PLAT: variants seen among roughly 807,000 people sequenced by gnomAD.
PLAT encodes tissue-type plasminogen activator.
PLAT carries 48 observed loss-of-function variants against 74.9 expected under a neutral mutation model. The observed-to-expected ratio is 0.64, with a 90% CI of 0.51 to 0.82. PLAT has a LOEUF of 0.82. Among genes scored for constraint, PLAT ranks in the 40% least tolerant of loss-of-function variants. The pLI is 0.00. For synonymous variants in PLAT, 307 were observed against 294.4 expected, an observed-to-expected ratio of 1.04 and a Z score of -0.44; for missense variants, 673 against 736.2, an observed-to-expected ratio of 0.91 and a Z score of 0.99.
intron 1 of PLAT, among the ~76,000 whole-genome samples, chr8:42,203,992 T>C (rs2854293): frequency 0.05 from 5,457 of 109,636 alleles, 279 homozygotes; most frequent in African/African-American, 0.13. Flanking sequence ...TATATATATA[T>C]ACACACACAC....
chr8:42,193,321 C>G (rs1805758853), intron 1 of PLAT, 110 bp from the exon 2 acceptor site: 4 of 672,922 alleles, frequency 5.9e-6, no homozygotes, highest in Non-Finnish European at 1.0e-5. Context: ...AGTGCCAGCC[C>G]CGCGGCAGAA....
chr8:42,202,153 G>T (rs886879711), intron 1 of PLAT, among the ~76,000 whole-genome samples: 3 of 151,922 alleles, frequency 2.0e-5, no homozygotes, highest in African/African-American at 7.3e-5. Context: ...TCAAGTAGCT[G>T]GGACTACAGG....
chr8:42,188,904 C>A, intron 4 of PLAT, 30 bp downstream of exon 4: 1 of 1,595,864 alleles, frequency 6.3e-7, no homozygotes, highest in Non-Finnish European at 8.6e-7. Flanking sequence ...GGATCACAGG[C>A]ATGCACCACC....
intron 1 of PLAT, among the ~76,000 whole-genome samples, chr8:42,195,120 C>T (rs2129787498): frequency 1.3e-5 from 2 of 151,248 alleles, no homozygotes; most frequent in African/African-American, 2.4e-5. Context: ...CCCTCCCCCT[C>T]CCCCTCCCCC....
chr8:42,185,041 CCAGGGACATT>C (rs1563256343), intron 7 of PLAT, 30 bp downstream of exon 7: 4 of 1,403,518 alleles, frequency 2.8e-6, no homozygotes, highest in Non-Finnish European at 3.9e-6. Context: ...CTTTCCTCCC[CCAGGGACATT>C]CAGGGAAAGG....
intron 1 of PLAT, among the ~76,000 whole-genome samples, chr8:42,197,980 A>G (rs1397588146): frequency 6.6e-6 from 1 of 152,188 alleles, no homozygotes; most frequent in African/African-American, 2.4e-5. Context: ...GGAGTGTCAC[A>G]TGCAGTATAA....
intron 1 of PLAT, among the ~76,000 whole-genome samples, chr8:42,205,820 G>A (rs1333867708): frequency 6.6e-6 from 1 of 152,174 alleles, no homozygotes; most frequent in Admixed American, 6.5e-5. Context: ...TCCAGAGGCC[G>A]TGTCACATGT....
In PLAT at chr8:42,180,668, G is replaced by A. The variant is rs1805204510; in HGVS notation, c.907C>T (p.Gln303Ter). The change falls in exon 10 of 14, where the codon CAG becomes TAG. Residue 303 changes from glutamine to a stop codon, truncating the protein, a stop_gained. Coordinates refer to ENST00000220809, the MANE Select transcript of PLAT (RefSeq NM_000930.5). LOFTEE classifies it high-confidence loss of function. ...VPSCSTCGLRQYSQPQFRIKG... is the reference protein window; with the variant it reads ...VPSCSTCGLR ...ATGCGAAACTGAGGCTGGCTGTACT[G>A]TCTCAGGCCGCAGGTGGCTGGGGAG... 6.4e-7 allele frequency: 1 copy of A among 1,573,882 alleles called. No individual in the cohort carries two copies. The highest frequency in any genetic ancestry group is 1.2e-5 in the South Asian group (1 of 84,548).
At chr8:42,181,456 G>GC (rs1805236469) in intron 9 of PLAT, among the ~76,000 whole-genome samples, 1 of 152,178 alleles carries the variant, frequency 6.6e-6, no homozygotes, top group Non-Finnish European at 1.5e-5. Flanking sequence ...ATGAGGGCAG[G>GC]CCCTAGCTTT....
Position 42,175,069 on chromosome 8 carries a change from C to G in PLAT, c.*924G>C, listed in dbSNP as rs911931689. On this transcript the variant is annotated 3_prime_UTR_variant, in exon 14 of 14. Coordinates refer to ENST00000220809, the MANE Select transcript of PLAT (RefSeq NM_000930.5). ...ATATTAGCCCATCAGACCAAGCATT[C>G]CTGTCCCTCCTTTTCCCGGTCTGGA... Among the ~76,000 whole-genome samples, 1 of 152,190 alleles carries G rather than the reference C, an allele frequency of 6.6e-6. No homozygotes were observed. Among genetic ancestry groups the G allele is most frequent in the African/African-American group, 2.4e-5 (1 of 41,428 alleles).
At position 42,187,585 on chromosome 8, in the gene PLAT, AG is replaced by A. The variant is rs747918001; in HGVS notation, c.365-14del. 1 of 1,577,300 alleles carries A rather than the reference AG, an allele frequency of 6.3e-7. No homozygotes were observed. On this transcript the variant is annotated splice_polypyrimidine_tract_variant and intron_variant, in intron 5 of 13. Coordinates refer to ENST00000220809, the MANE Select transcript of PLAT (RefSeq NM_000930.5). ...GTGGCCCTGGTATCTGACAGAGAGC[AG>A]GGCATGGATGCCTCACATGGGAGTC...
At position 42,188,970 on chromosome 8, in the gene PLAT, T is replaced by C. The variant is rs1182273420; in HGVS notation, c.217A>G (p.Ser73Gly). 2 of 1,613,958 alleles carry C rather than the reference T, an allele frequency of 1.2e-6. No homozygotes were observed. Among genetic ancestry groups the C allele is most frequent in the African/African-American group, 2.7e-5 (2 of 74,936 alleles). The change falls in exon 4 of 14, where the codon AGT becomes GGT. Residue 73 changes from serine (S) to glycine (G), a missense_variant. Coordinates refer to ENST00000220809, the MANE Select transcript of PLAT (RefSeq NM_000930.5). ...ACTGAGTGGCACTGTGCCCTGCCACTGTTGCACCAGCAATATTCCACCCGG... is the reference window on the plus strand; with the variant it reads ...ACTGAGTGGCACTGTGCCCTGCCACCGTTGCACCAGCAATATTCCACCCGG... ...SNRVEYCWCN[S>G]GRAQCHSVPV... is the part of the protein sequence containing the mutation.
intron 8 of PLAT, 25 bp from the exon 9 acceptor site, chr8:42,182,047 T>C: frequency 1.4e-6 from 2 of 1,423,866 alleles, no homozygotes; most frequent in Non-Finnish European, 9.9e-7. Flanking sequence ...AGTTTAAGGT[T>C]TCCTTTTTAT....
chr8:42,180,114 G>T (rs1184387496), intron 11 of PLAT, 48 bp from the exon 12 acceptor site: 1 of 1,587,642 alleles, frequency 6.3e-7, no homozygotes, highest in East Asian at 2.2e-5. Flanking sequence ...CCGCGTCCCC[G>T]GGAGGGGAGG....
chr8:42,202,611 C>T (rs1187331718), intron 1 of PLAT, among the ~76,000 whole-genome samples: 1 of 151,262 alleles, frequency 6.6e-6, no homozygotes, highest in Non-Finnish European at 1.5e-5. Context: ...TATGGAGCAC[C>T]AGCCGTGCCC....
chr8:42,188,242 G>T (rs909501760), intron 4 of PLAT: 17 of 458,728 alleles, frequency 3.7e-5, no homozygotes, highest in Non-Finnish European at 5.8e-5. Flanking sequence ...TTGTTCAAGG[G>T]TCCCCTGTAT....
chr8:42,184,111 T>G (rs1476084134), intron 7 of PLAT, among the ~76,000 whole-genome samples: 1 of 151,974 alleles, frequency 6.6e-6, no homozygotes, highest in Admixed American at 6.6e-5. Flanking sequence ...TGACTAATTT[T>G]TGTATTTTTT....
intron 1 of PLAT, 123 bp from the exon 2 acceptor site, chr8:42,193,334 G>A (rs1473042368): frequency 3.2e-6 from 2 of 631,326 alleles, no homozygotes; most frequent in African/African-American, 1.8e-5. Context: ...CGGCAGAAAC[G>A]CCAGACATGC....
chr8:42,178,339 C>G (rs1402024273), intron 13 of PLAT, among the ~76,000 whole-genome samples: 3 of 148,418 alleles, frequency 2.0e-5, no homozygotes, highest in Non-Finnish European at 3.0e-5. Flanking sequence ...GGCGCGATCT[C>G]GGCTCACTGC....
Sources: allele counts gnomAD v4.1 joint callset (sites outside exome capture counted in the v4.1 genomes callset), GRCh38; gene constraint gnomAD v4.1.1; transcripts MANE v1.5; gene names NCBI Gene and HGNC (gene_info 2026-07-23, HGNC 2026-07-21).